Variants in SLC25A30 observed in about 807,000 individuals in gnomAD.
SLC25A30 encodes kidney mitochondrial carrier protein 1.
SLC25A30 carries 29 observed loss-of-function variants against 42.7 expected under a neutral mutation model. The ratio of observed to expected loss-of-function variants is 0.68; its 90% CI spans 0.51 to 0.93. The LOEUF is 0.93. Ranked by LOEUF, SLC25A30 falls within the 40% of genes least tolerant of loss-of-function variation. The pLI, the probability that SLC25A30 is intolerant of heterozygous loss-of-function variation, is 0.00. For synonymous variants in SLC25A30, 124 were observed against 131.0 expected, an observed-to-expected ratio of 0.95 and a Z score of 0.37; for missense variants, 300 against 359.7, an observed-to-expected ratio of 0.83 and a Z score of 1.34.
chr13:45,424,946 A>C, the SLC25A30 span, among the ~76,000 whole-genome samples: 4 of 68,810 alleles, frequency 5.8e-5, no homozygotes, highest in African/African-American at 2.3e-4. Context: ...ATTTAAATAA[A>C]TATATAAATA....
chr13:45,397,224 C>G (rs983651109), intron 9 of SLC25A30, 34 bp downstream of exon 9: 8 of 1,368,014 alleles, frequency 5.8e-6, no homozygotes, highest in Non-Finnish European at 7.3e-6. Flanking sequence ...TTAGCTGTAT[C>G]TTTTTTCAGA....
At chr13:45,406,297 G>A (rs1882502619) in intron 3 of SLC25A30, among the ~76,000 whole-genome samples, 1 of 152,070 alleles carries the variant, frequency 6.6e-6, no homozygotes, top group African/African-American at 2.4e-5. Flanking sequence ...TGGTCAGGCT[G>A]GTCTTGAACT....
intron 1 of SLC25A30, among the ~76,000 whole-genome samples, chr13:45,415,947 G>A (rs1312369749): frequency 6.7e-6 from 1 of 150,072 alleles, no homozygotes; most frequent in Non-Finnish European, 1.5e-5. Context: ...TTACAGGCAC[G>A]TGCCACCACG....
At chr13:45,403,493 C>T (rs537120006) in intron 5 of SLC25A30, among the ~76,000 whole-genome samples, 5 of 152,206 alleles carry the variant, frequency 3.3e-5, no homozygotes, top group African/African-American at 7.2e-5. Context: ...TAAGTCATTC[C>T]TAATTTTTAT....
upstream of SLC25A30, among the ~76,000 whole-genome samples, chr13:45,419,717 G>T (rs909106788): frequency 2.0e-5 from 3 of 151,030 alleles, no homozygotes; most frequent in Non-Finnish European, 4.4e-5. Context: ...ATCACCTGAG[G>T]TCGGGAGTTC....
chr13:45,431,825 C>T, the SLC25A30 span, among the ~76,000 whole-genome samples: 4 of 152,100 alleles, frequency 2.6e-5, no homozygotes, highest in African/African-American at 9.7e-5. Context: ...TACTTTTGTC[C>T]CCGAAGCCTG....
intron 7 of SLC25A30, among the ~76,000 whole-genome samples, 185 bp downstream of exon 7, chr13:45,400,898 G>A (rs545507785): frequency 6.6e-5 from 10 of 152,234 alleles, no homozygotes; most frequent in South Asian, 2.1e-4. Context: ...TTGCATACAC[G>A]TAGAAAACGC....
chr13:45,408,085 C>T (rs1228991488), intron 3 of SLC25A30, among the ~76,000 whole-genome samples: 1 of 152,190 alleles, frequency 6.6e-6, no homozygotes, highest in Non-Finnish European at 1.5e-5. Context: ...TCAGTGGCTT[C>T]TGTCTGCCAT....
the SLC25A30 span, among the ~76,000 whole-genome samples, chr13:45,430,945 A>T: frequency 2.0e-5 from 3 of 152,116 alleles, no homozygotes; most frequent in Non-Finnish European, 4.4e-5. Context: ...TCAGGGCTCT[A>T]TCATGAGTCC....
chr13:45,395,271 C>G lies in SLC25A30; in HGVS notation c.*703G>C. The G allele has an allele frequency of 1.0e-6, 1 of 985,670 alleles. No individual in the cohort carries two copies. Among genetic ancestry groups the G allele is most frequent in the Non-Finnish European group, 1.2e-6 (1 of 830,104 alleles). 61.1% of individuals were successfully genotyped at this position (985,670 alleles called of 1,614,324 possible). A position where few individuals can be genotyped will look rare whatever the true frequency, so the allele number is the denominator to read the frequency against. On this transcript the variant is annotated 3_prime_UTR_variant, in exon 10 of 10. Coordinates refer to ENST00000519676, the MANE Select transcript of SLC25A30 (RefSeq NM_001010875.4). ...AACCTAAGCTGCTTGAAAACACCCC[C>G]CACCAATACAGACCTTGCAACCTTC... is the stretch of plus-strand genomic sequence containing the variant.
At chr13:45,397,830 A>G in intron 8 of SLC25A30, 1 of 952,810 alleles carries the variant, frequency 1.0e-6, no homozygotes. Context: ...TCCATGCCCA[A>G]CAACCCCACA....
intron 5 of SLC25A30, among the ~76,000 whole-genome samples, chr13:45,403,081 A>G (rs1285227204): frequency 6.6e-6 from 1 of 152,224 alleles, no homozygotes; most frequent in Non-Finnish European, 1.5e-5. Context: ...CGAACGTGGG[A>G]AAATAAACCA....
upstream of SLC25A30, among the ~76,000 whole-genome samples, chr13:45,420,556 T>C (rs1883866848): frequency 6.6e-6 from 1 of 152,152 alleles, no homozygotes. Context: ...GATTCCTCCC[T>C]TTCCTGTAGA....
At position 45,393,937 on chromosome 13, in the gene SLC25A30, G is replaced by A. The variant is rs188303179; in HGVS notation, c.*2037C>T. The A allele has an allele frequency of 2.7e-3, 2,654 of 985,136 alleles. 8 individuals carry two copies. Among genetic ancestry groups the A allele is most frequent in the Non-Finnish European group, 3.0e-3 (2,470 of 829,798 alleles). The allele number at this position is 985,136 out of a possible 1,614,324, so 61.0% of individuals were successfully genotyped here. On this transcript the variant is annotated 3_prime_UTR_variant, in exon 10 of 10. Coordinates refer to ENST00000519676, the MANE Select transcript of SLC25A30 (RefSeq NM_001010875.4). ...TTTACATGGTCATTAAAATGAATTT[G>A]CTTCTACTGTTTTAAAAATTGTATG...
the SLC25A30 span, among the ~76,000 whole-genome samples, chr13:45,424,432 T>C: frequency 4.7e-5 from 3 of 63,666 alleles, no homozygotes; most frequent in African/African-American, 1.2e-4. Flanking sequence ...TATGAATATA[T>C]ATATAAATAT....
At position 45,394,477 on chromosome 13, in the gene SLC25A30, C is replaced by T; in HGVS notation, c.*1497G>A. 1 of 985,360 alleles carries T rather than the reference C, an allele frequency of 1.0e-6. No homozygotes were observed. The highest frequency in any genetic ancestry group is 1.2e-6 in the Non-Finnish European group (1 of 829,944). The allele number at this position is 985,360 out of a possible 1,614,324, so 61.0% of individuals were successfully genotyped here. ...GCCGCACTACTGTGGAAGGAGAATG[C>T]CCTGGAGCCCCAGCTAACATGTATT... On this transcript the variant is annotated 3_prime_UTR_variant, in exon 10 of 10. Coordinates refer to ENST00000519676, the MANE Select transcript of SLC25A30 (RefSeq NM_001010875.4).
chr13:45,394,493 A>G lies in SLC25A30; in HGVS notation c.*1481T>C. 11 of 985,414 alleles carry G rather than the reference A, an allele frequency of 1.1e-5. No individual in the cohort carries two copies. The highest frequency in any genetic ancestry group is 1.3e-5 in the Non-Finnish European group (11 of 829,954). The allele number at this position is 985,414 out of a possible 1,614,324, so 61.0% of individuals were successfully genotyped here. On this transcript the variant is annotated 3_prime_UTR_variant, in exon 10 of 10. Transcript: ENST00000519676. ...AGGAGAATGCCCTGGAGCCCCAGCTAACATGTATTTAATGTTGTTCTCAAA... is the reference window on the plus strand; with the variant it reads ...AGGAGAATGCCCTGGAGCCCCAGCTGACATGTATTTAATGTTGTTCTCAAA...
intron 8 of SLC25A30, chr13:45,397,674 C>T (rs572725459): frequency 1.7e-4 from 30 of 174,952 alleles, no homozygotes; most frequent in African/African-American, 5.7e-4. Context: ...CCAGCCTGGG[C>T]GACAAAGCGA....
At chr13:45,416,400 C>T (rs1331529884) in intron 1 of SLC25A30, among the ~76,000 whole-genome samples, 1 of 151,586 alleles carries the variant, frequency 6.6e-6, no homozygotes, top group Non-Finnish European at 1.5e-5. Context: ...AAAAGCAAAA[C>T]TCCATCTCAA....
Sources: allele counts gnomAD v4.1 joint callset (sites outside exome capture counted in the v4.1 genomes callset), GRCh38; gene constraint gnomAD v4.1.1; transcripts MANE v1.5; gene names NCBI Gene and HGNC (gene_info 2026-07-23, HGNC 2026-07-21).